Variants in HOPX observed in about 807,000 individuals in gnomAD.
The protein encoded by HOPX is HOP homeobox, also known as homeodomain-only protein.
A neutral mutation model predicts 11.8 loss-of-function variants in HOPX; 5 were observed. The observed-to-expected ratio is 0.43, with a 90% confidence interval of 0.22 to 0.89. HOPX has a LOEUF of 0.89. Among genes scored for constraint, HOPX ranks in the 40% least tolerant of loss-of-function variants. The probability of loss-of-function intolerance (pLI) is 0.28; values close to 1 mark genes in which losing one functional copy is unlikely to be tolerated. For missense variants in HOPX, 119 were observed against 120.0 expected (o/e 0.99, Z 0.04); for synonymous variants, 49 against 49.7 (o/e 0.99, Z 0.06).
Position 56,648,739 on chromosome 4 carries a change from C to T in HOPX, c.257G>A (p.Cys86Tyr). The T allele has an allele frequency of 6.2e-7, 1 of 1,610,342 alleles. No homozygotes were observed. The highest frequency in any genetic ancestry group is 8.5e-7 in the Non-Finnish European group (1 of 1,176,870). Residue 86 changes from cysteine to tyrosine, a missense_variant, in exon 4 of 4, where the codon TGC (cysteine) becomes TAC (tyrosine). By Grantham distance (194) the Cys-to-Tyr change is radical. Transcript: ENST00000420433. The part of the protein sequence containing the change: ...WRRSEGLPSE[C>Y]RSVTD ...ATCTCCTTAGTCTGTGACGGATCTG[C>T]ACTCTGAGGGCAGGCCTTCTGAGCG...
intron 1 of HOPX, among the ~76,000 whole-genome samples, chr4:56,661,863 A>G (rs896937001): frequency 1.3e-5 from 2 of 152,226 alleles, no homozygotes; most frequent in Non-Finnish European, 2.9e-5. Context: ...GTCACCAAGA[A>G]CAATACAAAT....
intron 1 of HOPX, chr4:56,679,486 T>C (rs1578368904): frequency 1.3e-5 from 2 of 151,770 alleles, no homozygotes; most frequent in East Asian, 1.9e-4. Context: ...TTCTTTTTTT[T>C]TTTTTTCTTA....
Position 56,653,693 on chromosome 4 carries a change from G to A in HOPX, c.198+2164C>T, listed in dbSNP as rs150741087. Among the ~76,000 whole-genome samples the A allele has an allele frequency of 4.5e-4, 69 of 152,270 alleles. 1 individual carries two copies. In the East Asian group the frequency reaches 0.011, roughly 25 times the overall value. On this transcript the variant is annotated intron_variant, in intron 3 of 3. Coordinates refer to ENST00000420433, the MANE Select transcript of HOPX (RefSeq NM_032495.6). ...AGGTGTTGGTCCTGTGGCAGGAAGA[G>A]GAAGCCAGGGGCCCTGCTAAGAGGC...
upstream of HOPX, chr4:56,681,366 T>G (rs1208924574): frequency 1.0e-6 from 1 of 985,256 alleles, no homozygotes; most frequent in African/African-American, 1.7e-5. Flanking sequence ...GCACGTTTAT[T>G]TACGCCTATG....
rs1352758787 is a variant in HOPX at position 56,656,308 on chromosome 4, G to A, written c.43-296C>T. The A allele has an allele frequency of 4.4e-5, 49 of 1,110,374 alleles. No homozygotes were observed. In the Admixed American group the frequency reaches 2.4e-3, roughly 54 times the overall value. The allele number at this position is 1,110,374 out of a possible 1,614,324, so 68.8% of individuals were successfully genotyped here. On this transcript the variant is annotated intron_variant, in intron 2 of 3. Transcript: ENST00000420433. ...AGGAACTGTATCCCTGCCTGCGACG[G>A]GGGCGAGATAGATGATTCCGCGGGC...
rs1373658052 is a variant in HOPX at position 56,655,969 on chromosome 4, T to G, written c.86A>C (p.Glu29Ala). 6.2e-7 allele frequency: 1 copy of G among 1,608,840 alleles called. No homozygotes were observed. The highest frequency in any genetic ancestry group is 8.5e-7 in the Non-Finnish European group (1 of 1,178,058). ...MSAETASGPT[E>A]DQVEILEYNF... is the part of the protein sequence containing the mutation. The stretch of plus-strand genomic sequence containing the variant: ...GTACTCCAGGATTTCCACCTGGTCC[T>G]CTGTGGGGCCGCTCGCGGTCTCCGC... Residue 29 changes from glutamate (E) to alanine (A), a missense_variant, in exon 3 of 4, where the codon GAG becomes GCG. Coordinates refer to ENST00000420433, the MANE Select transcript of HOPX (RefSeq NM_032495.6).
At chr4:56,653,955 A>C (rs1041878530) in intron 3 of HOPX, among the ~76,000 whole-genome samples, 2 of 152,202 alleles carry the variant, frequency 1.3e-5, no homozygotes, top group African/African-American at 4.8e-5. Flanking sequence ...GAAAGGTTGA[A>C]TATAGCCTGG....
intron 3 of HOPX, among the ~76,000 whole-genome samples, chr4:56,652,831 AAAAG>A (rs369467911): frequency 2.6e-5 from 4 of 152,172 alleles, no homozygotes; most frequent in East Asian, 3.9e-4. Context: ...AAAAGAGAAA[AAAAG>A]AAAGAAAGAA....
chr4:56,666,682 T>C (rs2109525003), intron 1 of HOPX, among the ~76,000 whole-genome samples: 1 of 152,324 alleles, frequency 6.6e-6, no homozygotes, highest in South Asian at 2.1e-4. Context: ...TAGTCTACTT[T>C]CATAGAAATA....
chr4:56,651,873 AGT>A (rs796685500), intron 3 of HOPX, among the ~76,000 whole-genome samples: 2,565 of 136,438 alleles, frequency 0.019, 28 homozygotes, highest in African/African-American at 0.045. Flanking sequence ...AGAGAGAGAG[AGT>A]GTGTGTGTGT....
At chr4:56,652,269 G>GATA (rs1455243788) in intron 3 of HOPX, among the ~76,000 whole-genome samples, 1 of 152,122 alleles carries the variant, frequency 6.6e-6, no homozygotes, top group African/African-American at 2.4e-5. Flanking sequence ...TCTTAGTCCC[G>GATA]CTTGTCCCTG....
chr4:56,656,588 A>C, intron 2 of HOPX: 1 of 504,208 alleles, frequency 2.0e-6, no homozygotes, highest in Non-Finnish European at 2.6e-6. Flanking sequence ...TCCTCCAAAA[A>C]AGTTCCCCGC....
chr4:56,654,064 G>A (rs1199626180), intron 3 of HOPX, among the ~76,000 whole-genome samples: 3 of 152,192 alleles, frequency 2.0e-5, no homozygotes, highest in Admixed American at 2.0e-4. Flanking sequence ...TCTGTAGAGA[G>A]AGCATAGCAA....
intron 1 of HOPX, among the ~76,000 whole-genome samples, chr4:56,669,473 A>T (rs1718615212): frequency 6.6e-6 from 1 of 152,182 alleles, no homozygotes; most frequent in East Asian, 1.9e-4. Context: ...AGCCTGGCCA[A>T]CATGGCAAAA....
chr4:56,651,825 T>C (rs924042561), intron 3 of HOPX, among the ~76,000 whole-genome samples: 14 of 151,470 alleles, frequency 9.2e-5, no homozygotes, highest in African/African-American at 2.9e-4. Flanking sequence ...CCAGTTACAT[T>C]GTGCTTGAAT....
intron 1 of HOPX, among the ~76,000 whole-genome samples, chr4:56,675,499 G>C (rs1429948762): frequency 4.0e-5 from 6 of 151,628 alleles, no homozygotes; most frequent in Non-Finnish European, 8.8e-5. Context: ...ATAGGACCCA[G>C]GTTCCTGCTC....
chr4:56,658,030 G>A, intron 1 of HOPX, 131 bp from the exon 2 acceptor site: 4 of 633,062 alleles, frequency 6.3e-6, no homozygotes, highest in South Asian at 2.9e-5. Context: ...ACCCACCACT[G>A]CTTGCTTCGC....
chr4:56,656,130 G>A (rs1717696252), intron 2 of HOPX, 118 bp from the exon 3 acceptor site: 2 of 1,226,870 alleles, frequency 1.6e-6, no homozygotes, highest in Admixed American at 4.3e-5. Context: ...CCCTCCAGCG[G>A]TGCCACGGCC....
intron 2 of HOPX, chr4:56,656,491 T>A (rs564120742): frequency 3.6e-6 from 1 of 279,208 alleles, no homozygotes. Flanking sequence ...CTAGCCGGCC[T>A]CCGGCCTCCC....
Sources: allele counts gnomAD v4.1 joint callset (sites outside exome capture counted in the v4.1 genomes callset), GRCh38; gene constraint gnomAD v4.1.1; transcripts MANE v1.5; gene names NCBI Gene and HGNC (gene_info 2026-07-23, HGNC 2026-07-21).